The following DLGAP2 variants were observed in gnomAD, a reference collection of about 807,000 sequenced individuals.
DLGAP2 encodes the protein disks large-associated protein 2.
A neutral mutation model predicts 100.3 loss-of-function variants in DLGAP2; 26 were observed. The observed-to-expected ratio is 0.26, with a 90% CI of 0.19 to 0.36. The LOEUF is 0.36. DLGAP2 is among the 10% of genes least tolerant of loss of function. The pLI is 1.00. For synonymous variants in DLGAP2, 886 were observed against 630.1 expected, an observed-to-expected ratio of 1.41 and a Z score of -6.08; for missense variants, 1,858 against 1,453.2, an observed-to-expected ratio of 1.28 and a Z score of -4.53.
rs577144585 is a variant in DLGAP2 at position 1,182,361 on chromosome 8, G to A, written c.74-76490G>A. On this transcript the variant is annotated intron_variant, in intron 2 of 14. Transcript: ENST00000637795. Reference sequence around the variant, plus strand: ...CATCCGTGTGGGATGCCAGGTGGCTGGACTGAGAGTTGGCCCTTGTGACCC... The same window carrying A: ...CATCCGTGTGGGATGCCAGGTGGCTAGACTGAGAGTTGGCCCTTGTGACCC... Among the ~76,000 whole-genome samples, 3 of 152,354 alleles carry A rather than the reference G, an allele frequency of 2.0e-5. No homozygotes were observed. The South Asian group carries it at 6.2e-4, about 32-fold the overall frequency.
At chr8:752,054 G>T (rs1412301996) in intron 1 of DLGAP2, among the ~76,000 whole-genome samples, 1 of 152,228 alleles carries the variant, frequency 6.6e-6, no homozygotes, top group Non-Finnish European at 1.5e-5. Flanking sequence ...CAGGGCTCTG[G>T]TGTGGCCCAG....
chr8:950,014 G>T (rs1799438396), intron 2 of DLGAP2, among the ~76,000 whole-genome samples: 1 of 152,192 alleles, frequency 6.6e-6, no homozygotes, highest in Non-Finnish European at 1.5e-5. Flanking sequence ...CGGACAAATC[G>T]CTGCAATGTG....
At chr8:1,257,305 G>GA (rs1308393957) in intron 2 of DLGAP2, among the ~76,000 whole-genome samples, 2 of 152,226 alleles carry the variant, frequency 1.3e-5, no homozygotes, top group African/African-American at 4.8e-5. Context: ...GGAACCATGA[G>GA]AGCCTGTGAG....
chr8:969,396 C>G (rs910185222), intron 2 of DLGAP2, among the ~76,000 whole-genome samples: 9 of 152,130 alleles, frequency 5.9e-5, no homozygotes, highest in African/African-American at 2.2e-4. Flanking sequence ...TCTACACGTG[C>G]ACAGCCTATT....
At chr8:961,030 C>T (rs17740282) in intron 2 of DLGAP2, among the ~76,000 whole-genome samples, 5 of 152,238 alleles carry the variant, frequency 3.3e-5, no homozygotes, top group Middle Eastern at 6.8e-3. Flanking sequence ...GGATTCTGCA[C>T]AGACCCCCAT....
In DLGAP2 at chr8:957,076, C is replaced by G. The variant is rs1584922897; in HGVS notation, c.73+49110C>G. ...ACCCAAGCTGGTTGGAAAGCTCAGA[C>G]CATTTGCAAAGATGTGGGAGAGGAG... On this transcript the variant is annotated intron_variant, in intron 2 of 14. Coordinates refer to ENST00000637795, the MANE Select transcript of DLGAP2 (RefSeq NM_001346810.2). Among the ~76,000 whole-genome samples the G allele has an allele frequency of 2.0e-5, 3 of 152,284 alleles. No homozygotes were observed. The East Asian group carries it at 5.8e-4, about 29-fold the overall frequency.
intron 1 of DLGAP2, among the ~76,000 whole-genome samples, chr8:821,498 T>A (rs1030542493): frequency 2.0e-5 from 3 of 152,152 alleles, no homozygotes; most frequent in African/African-American, 7.2e-5. Context: ...ATGGAAAAAA[T>A]GAGCTGGGAA....
chr8:1,024,631 C>T (rs373276760), intron 2 of DLGAP2, among the ~76,000 whole-genome samples: 4 of 152,302 alleles, frequency 2.6e-5, no homozygotes, highest in African/African-American at 9.6e-5. Flanking sequence ...TGTTGTATGA[C>T]TGGAGACAGA....
chr8:1,165,080 A>C (rs1307776473), intron 2 of DLGAP2, among the ~76,000 whole-genome samples: 1 of 150,258 alleles, frequency 6.7e-6, no homozygotes, highest in Non-Finnish European at 1.5e-5. Context: ...GCCGCTCCAG[A>C]TGACATGTTT....
rs73672703 is a variant in DLGAP2 at position 1,432,190 on chromosome 8, T to C, written c.107-69176T>C. Among the ~76,000 whole-genome samples, 167 of 152,362 alleles carry C rather than the reference T, an allele frequency of 1.1e-3. 1 individual carries two copies. Among genetic ancestry groups the C allele is most frequent in the African/African-American group, 3.8e-3 (157 of 41,590 alleles). Reference sequence around the variant, plus strand: ...GGAAACAAGTGTTTCTCTTTCTGCTTTTTTGCCCCATATTTCATTGCTGTA... The same window carrying C: ...GGAAACAAGTGTTTCTCTTTCTGCTCTTTTGCCCCATATTTCATTGCTGTA... On this transcript the variant is annotated intron_variant, in intron 3 of 14. Transcript: ENST00000637795.
chr8:1,644,923 GA>G (rs542489896), intron 8 of DLGAP2, among the ~76,000 whole-genome samples: 15 of 152,022 alleles, frequency 9.9e-5, no homozygotes, highest in Admixed American at 2.6e-4. Context: ...CTCTCTTAGG[GA>G]AAAAAAACTA....
chr8:1,113,906 A>G (rs1243680781), intron 2 of DLGAP2, among the ~76,000 whole-genome samples: 1 of 152,140 alleles, frequency 6.6e-6, no homozygotes, highest in Non-Finnish European at 1.5e-5. Context: ...TTTAACATGA[A>G]GAGGTATTGG....
At chr8:885,629 G>A (rs553333875) in intron 1 of DLGAP2, among the ~76,000 whole-genome samples, 30 of 152,264 alleles carry the variant, frequency 2.0e-4, no homozygotes, top group African/African-American at 6.7e-4. Flanking sequence ...TCTCTTGCCT[G>A]ATTGCCCTGG....
In DLGAP2 at chr8:856,139, G is replaced by A. The variant is rs140832220; in HGVS notation, c.19-51773G>A. Among the ~76,000 whole-genome samples the A allele has an allele frequency of 5.2e-3, 778 of 148,318 alleles. 8 individuals carry two copies. Among genetic ancestry groups the A allele is most frequent in the Non-Finnish European group, 7.4e-3 (494 of 67,112 alleles). On this transcript the variant is annotated intron_variant, in intron 1 of 14. Coordinates refer to ENST00000637795, the MANE Select transcript of DLGAP2 (RefSeq NM_001346810.2). ...GTCAACAGATGACATGATTATTTAT[G>A]TAGAAGATCCCAAAGAAGAATTAGT... is the stretch of plus-strand genomic sequence containing the variant.
chr8:1,614,823 C>G (rs1797097263), intron 6 of DLGAP2, among the ~76,000 whole-genome samples: 1 of 151,460 alleles, frequency 6.6e-6, no homozygotes, highest in Admixed American at 6.5e-5. Flanking sequence ...CTGTGGAGCC[C>G]ACACACACAT....
intron 2 of DLGAP2, among the ~76,000 whole-genome samples, chr8:964,765 C>T (rs536565701): frequency 1.3e-5 from 2 of 152,202 alleles, no homozygotes; most frequent in African/African-American, 4.8e-5. Flanking sequence ...TACCCTCCCC[C>T]GAGGGCCACA....
chr8:1,191,500 A>G (rs776315487), intron 2 of DLGAP2, among the ~76,000 whole-genome samples: 7 of 152,196 alleles, frequency 4.6e-5, no homozygotes, highest in Non-Finnish European at 1.0e-4. Context: ...AAATTCTACA[A>G]TCCTGTCTAA....
intron 2 of DLGAP2, among the ~76,000 whole-genome samples, chr8:1,125,034 T>A (rs905735684): frequency 1.3e-5 from 2 of 152,230 alleles, no homozygotes; most frequent in African/African-American, 2.4e-5. Context: ...CACCTCCTCG[T>A]TCAGGGTCTG....
intron 2 of DLGAP2, among the ~76,000 whole-genome samples, chr8:1,010,373 A>G (rs889705218): frequency 1.3e-5 from 2 of 151,990 alleles, no homozygotes; most frequent in Admixed American, 6.6e-5. Context: ...TCATTCTCAC[A>G]TGTGTGCACA....
Sources: gnomAD v4.1 joint callset for allele counts (sites outside exome capture counted in the v4.1 genomes callset) on GRCh38, gnomAD v4.1.1 for gene constraint, MANE v1.5 for transcripts, NCBI Gene and HGNC (gene_info 2026-07-23, HGNC 2026-07-21) for gene names.